PRKN: variants seen among roughly 807,000 people sequenced by gnomAD.
The protein encoded by PRKN is parkin RBR E3 ubiquitin protein ligase, also known as E3 ubiquitin-protein ligase parkin.
PRKN carries 56 observed loss-of-function variants against 59.5 expected under a neutral mutation model. That is an observed-to-expected ratio of 0.94 (90% CI 0.76 to 1.18). The LOEUF (loss-of-function observed/expected upper bound fraction) is 1.18. PRKN is among the 50% of genes most tolerant of loss of function. The pLI is 0.00. For missense variants in PRKN, 657 were observed against 596.4 expected, an observed-to-expected ratio of 1.10 and a Z score of -1.06; for synonymous variants, 250 against 222.1, an observed-to-expected ratio of 1.13 and a Z score of -1.12.
In PRKN at chr6:161,377,200, G is replaced by C. The variant is rs1785752503; in HGVS notation, c.1167+9594C>G. 6.6e-6 allele frequency among the ~76,000 whole-genome samples: 1 copy of C among 152,228 alleles called. No individual in the cohort carries two copies. Among genetic ancestry groups the C allele is most frequent in the African/African-American group, 2.4e-5 (1 of 41,466 alleles). On this transcript the variant is annotated intron_variant, in intron 10 of 11. Coordinates refer to ENST00000366898, the MANE Select transcript of PRKN (RefSeq NM_004562.3). The surrounding 1 kb of genome is among the most constrained non-coding windows in gnomAD (Gnocchi z 4.2). ...TGAGAACGATGGACCATTTGAAAGA[G>C]AGCCCCTGGCACGCTACCGAGCCCT...
At chr6:161,434,633 A>T (rs1458684321) in intron 9 of PRKN, among the ~76,000 whole-genome samples, 1 of 152,156 alleles carries the variant, frequency 6.6e-6, no homozygotes, top group Non-Finnish European at 1.5e-5. Flanking sequence ...TGAGCAAGTC[A>T]TATCATCTCC....
At chr6:162,296,561 C>T (rs1781688059) in intron 2 of PRKN, among the ~76,000 whole-genome samples, 1 of 152,098 alleles carries the variant, frequency 6.6e-6, no homozygotes, top group African/African-American at 2.4e-5. Context: ...ATTTCTTACT[C>T]CACAACTATC....
At chr6:161,909,508 A>G (rs1048673853) in intron 6 of PRKN, among the ~76,000 whole-genome samples, 2 of 152,212 alleles carry the variant, frequency 1.3e-5, no homozygotes, top group Non-Finnish European at 2.9e-5. Flanking sequence ...CTTTCTTCAC[A>G]TATATTAATG....
At chr6:162,712,110 C>T (rs1778559846) in intron 1 of PRKN, among the ~76,000 whole-genome samples, 1 of 152,170 alleles carries the variant, frequency 6.6e-6, no homozygotes, top group Non-Finnish European at 1.5e-5. Context: ...TCCGATTAAT[C>T]AGAGTGACTA....
chr6:162,685,838 C>T (rs1779949981), intron 1 of PRKN, among the ~76,000 whole-genome samples: 1 of 152,124 alleles, frequency 6.6e-6, no homozygotes, highest in Non-Finnish European at 1.5e-5. Flanking sequence ...TTTGCCTTCC[C>T]TGTTTTTCCC....
rs569970674 is a variant in PRKN, at chr6:161,397,935, C to G, written c.1084-11058G>C. On this transcript the variant is annotated intron_variant, in intron 9 of 11. Transcript: ENST00000366898. The surrounding 1 kb of genome is among the most constrained non-coding windows in gnomAD (Gnocchi z 4.2). ...CACAGGCATGATGGGGTGGAAAAGG[C>G]TTCACAACAGAGAGCTCTGAATCAG... 5.3e-5 allele frequency among the ~76,000 whole-genome samples: 8 copies of G among 152,082 alleles called. No homozygotes were observed. The highest frequency in any genetic ancestry group is 1.9e-4 in the African/African-American group (8 of 41,408).
intron 7 of PRKN, among the ~76,000 whole-genome samples, chr6:161,645,761 G>A (rs1195961887): frequency 6.6e-6 from 1 of 152,264 alleles, no homozygotes; most frequent in African/African-American, 2.4e-5. Flanking sequence ...GGGTTTAAGA[G>A]CAGAATAATG....
chr6:161,876,542 A>G (rs1425078085), intron 6 of PRKN, among the ~76,000 whole-genome samples: 1 of 152,076 alleles, frequency 6.6e-6, no homozygotes, highest in Non-Finnish European at 1.5e-5. Flanking sequence ...CAAACTCCTG[A>G]GCTCAAGTGA....
At chr6:162,328,712 GAGA>G (rs1307030957) in intron 2 of PRKN, among the ~76,000 whole-genome samples, 1 of 152,162 alleles carries the variant, frequency 6.6e-6, no homozygotes, top group African/African-American at 2.4e-5. Flanking sequence ...TGAAGCTTCA[GAGA>G]AGAAGGAACA....
At chr6:162,240,495 CAAT>C (rs1249174979) in intron 3 of PRKN, among the ~76,000 whole-genome samples, 1 of 152,024 alleles carries the variant, frequency 6.6e-6, no homozygotes. Flanking sequence ...TGATTAGAAG[CAAT>C]TAACTTATTT....
chr6:161,910,210 G>C (rs1178609255), intron 6 of PRKN, among the ~76,000 whole-genome samples: 1 of 152,130 alleles, frequency 6.6e-6, no homozygotes, highest in Non-Finnish European at 1.5e-5. Flanking sequence ...TACTTCTAGG[G>C]AAGATGCCGT....
chr6:161,507,666 ATATCT>A (rs1778224754), intron 9 of PRKN, among the ~76,000 whole-genome samples: 1 of 151,852 alleles, frequency 6.6e-6, no homozygotes, highest in Non-Finnish European at 1.5e-5. Flanking sequence ...TGCCTCCTCT[ATATCT>A]TGACTCTTCT....
intron 7 of PRKN, among the ~76,000 whole-genome samples, chr6:161,673,009 C>A (rs1784963418): frequency 6.6e-6 from 1 of 152,130 alleles, no homozygotes; most frequent in Non-Finnish European, 1.5e-5. Context: ...CTGATGAGAT[C>A]CTTCATAACT....
chr6:162,232,588 T>C (rs1012060038), intron 3 of PRKN, among the ~76,000 whole-genome samples: 15 of 152,206 alleles, frequency 9.9e-5, no homozygotes, highest in African/African-American at 3.1e-4. Context: ...AAATCATTGA[T>C]TTGCCTCAAG....
intron 7 of PRKN, among the ~76,000 whole-genome samples, chr6:161,741,025 C>T (rs1051769827): frequency 6.6e-6 from 1 of 152,198 alleles, no homozygotes; most frequent in African/African-American, 2.4e-5. Context: ...GACAACTACT[C>T]TGTAAGGGCC....
intron 6 of PRKN, among the ~76,000 whole-genome samples, chr6:161,794,529 C>T (rs1455317418): frequency 6.6e-6 from 1 of 152,156 alleles, no homozygotes; most frequent in African/African-American, 2.4e-5. Flanking sequence ...CAGTTCTTGG[C>T]CCCAAAATAT....
At chr6:162,579,190 T>A (rs1247978407) in intron 1 of PRKN, among the ~76,000 whole-genome samples, 1 of 152,216 alleles carries the variant, frequency 6.6e-6, no homozygotes, top group African/African-American at 2.4e-5. Flanking sequence ...TCCCAGTCCA[T>A]TGAATCTATC....
At chr6:161,861,308 A>G (rs1322943227) in intron 6 of PRKN, among the ~76,000 whole-genome samples, 1 of 152,220 alleles carries the variant, frequency 6.6e-6, no homozygotes, top group Non-Finnish European at 1.5e-5. Context: ...CATCATTCTC[A>G]GCAAACTAAC....
Position 161,473,297 on chromosome 6 carries a change from C to A in PRKN, c.1083+75557G>T, listed in dbSNP as rs1273808418. On this transcript the variant is annotated intron_variant, in intron 9 of 11. Transcript: ENST00000366898. The surrounding 1 kb of genome is among the most constrained non-coding windows in gnomAD (Gnocchi z 4.1). ...AAGAAATTGTGGAATATATTATATA[C>A]ATATATATTAGGGAGAGGGGAGCAT... Among the ~76,000 whole-genome samples, 1 of 151,072 alleles carries A rather than the reference C, an allele frequency of 6.6e-6. No individual in the cohort carries two copies. The highest frequency in any genetic ancestry group is 2.1e-4 in the South Asian group (1 of 4,806).
Sources: allele counts gnomAD v4.1 joint callset (sites outside exome capture counted in the v4.1 genomes callset), GRCh38; gene constraint gnomAD v4.1.1; non-coding constraint Gnocchi (gnomAD v3.1); transcripts MANE v1.5; gene names NCBI Gene and HGNC (gene_info 2026-07-23, HGNC 2026-07-21).